Variants in RARB observed in about 807,000 individuals in gnomAD.
RARB encodes the protein retinoic acid receptor beta.
A neutral mutation model predicts 51.9 loss-of-function variants in RARB; 17 were observed. The ratio of observed to expected loss-of-function variants is 0.33; its 90% CI spans 0.22 to 0.49. The LOEUF is 0.49. RARB is among the 20% of genes least tolerant of loss of function. RARB has a pLI of 0.99. For synonymous variants in RARB, 215 were observed against 195.4 expected (o/e 1.10, Z -0.84); for missense variants, 369 against 550.8 (o/e 0.67, Z 3.30).
chr3:24,983,853 A>G (rs1575105518), intron 2 of RARB, among the ~76,000 whole-genome samples: 1 of 152,268 alleles, frequency 6.6e-6, no homozygotes, highest in East Asian at 1.9e-4. Flanking sequence ...TTAATATAAG[A>G]TACTAAAAAC....
intron 2 of RARB, among the ~76,000 whole-genome samples, chr3:25,005,386 A>T (rs552241426): frequency 6.6e-6 from 1 of 152,284 alleles, no homozygotes; most frequent in South Asian, 2.1e-4. Flanking sequence ...AGTCACAGAC[A>T]AGCTGTCAGC....
chr3:25,117,212 A>C (rs1699702933), intron 3 of RARB, among the ~76,000 whole-genome samples: 1 of 152,188 alleles, frequency 6.6e-6, no homozygotes, highest in African/African-American at 2.4e-5. Context: ...ATAAGTAACT[A>C]AAATCAAATA....
At chr3:25,350,377 A>G (rs1705526376) in intron 5 of RARB, among the ~76,000 whole-genome samples, 1 of 152,160 alleles carries the variant, frequency 6.6e-6, no homozygotes, top group African/African-American at 2.4e-5. Flanking sequence ...TAATCTCAGG[A>G]TGAACAATAG....
intron 2 of RARB, among the ~76,000 whole-genome samples, chr3:24,920,217 G>A (rs1276431430): frequency 6.6e-6 from 1 of 152,124 alleles, no homozygotes; most frequent in African/African-American, 2.4e-5. Flanking sequence ...ATAATGTGTT[G>A]AAGTCCTTAA....
intron 5 of RARB, among the ~76,000 whole-genome samples, chr3:25,240,538 T>C (rs1365091796): frequency 6.6e-6 from 1 of 152,192 alleles, no homozygotes; most frequent in African/African-American, 2.4e-5. Context: ...TTTTTTATCA[T>C]GAAGCAATGT....
chr3:25,528,597 A>G (rs952491585), intron 3 of RARB, among the ~76,000 whole-genome samples: 1 of 152,012 alleles, frequency 6.6e-6, no homozygotes, highest in African/African-American at 2.4e-5. Context: ...AGTCCAGTGG[A>G]TAGGATCCAA....
chr3:25,024,946 T>C (rs1242626029), intron 2 of RARB: 1 of 104,622 alleles, frequency 9.6e-6, no homozygotes, highest in Non-Finnish European at 1.9e-5. Context: ...AGAGTGAGAC[T>C]CCGTCTCAAA....
At chr3:25,269,211 C>G (rs1703194950) in intron 5 of RARB, among the ~76,000 whole-genome samples, 2 of 152,224 alleles carry the variant, frequency 1.3e-5, no homozygotes, top group African/African-American at 4.8e-5. Flanking sequence ...ATTGCTGGCT[C>G]ATTTTAGAAG....
At chr3:25,134,945 T>C (rs530916398) in intron 4 of RARB, among the ~76,000 whole-genome samples, 1 of 152,120 alleles carries the variant, frequency 6.6e-6, no homozygotes, top group African/African-American at 2.4e-5. Context: ...GTTACTAATA[T>C]ATGAAGATTA....
chr3:25,486,489 A>G lies in RARB; in HGVS notation c.307-14693A>G, dbSNP rs542338805. Among the ~76,000 whole-genome samples, 34 of 152,304 alleles carry G rather than the reference A, an allele frequency of 2.2e-4. No homozygotes were observed. In the South Asian group the frequency reaches 6.0e-3, roughly 27 times the overall value. On this transcript the variant is annotated intron_variant, in intron 2 of 7. Coordinates refer to ENST00000330688, the MANE Select transcript of RARB (RefSeq NM_000965.5). ...GGCCAACGAAGTCACTCTCCCATGC[A>G]ACCTTCCACCCATCCATGTGAGCAA...
chr3:25,246,443 C>G (rs1023613686), intron 5 of RARB, among the ~76,000 whole-genome samples: 4 of 152,062 alleles, frequency 2.6e-5, no homozygotes, highest in Non-Finnish European at 4.4e-5. Flanking sequence ...CTTGTTTTTC[C>G]TCACCTTCTT....
chr3:25,202,796 GAGAC>G (rs1701429999), intron 5 of RARB, among the ~76,000 whole-genome samples: 1 of 152,214 alleles, frequency 6.6e-6, no homozygotes, highest in Non-Finnish European at 1.5e-5. Context: ...TGTGGTCTGA[GAGAC>G]AGTCTGTTAT....
intron 2 of RARB, among the ~76,000 whole-genome samples, chr3:24,907,727 C>A (rs904521676): frequency 9.2e-5 from 14 of 151,940 alleles, no homozygotes; most frequent in African/African-American, 3.1e-4. Context: ...ATAAATCTTA[C>A]TTGAAAAAAA....
intron 1 of RARB, among the ~76,000 whole-genome samples, chr3:25,454,346 C>A (rs1694780625): frequency 6.6e-6 from 1 of 152,202 alleles, no homozygotes; most frequent in South Asian, 2.1e-4. Context: ...CTCTTTGGTG[C>A]CAACACAAAT....
chr3:24,892,347 G>A (rs1703400345), intron 2 of RARB, among the ~76,000 whole-genome samples: 1 of 152,068 alleles, frequency 6.6e-6, no homozygotes, highest in Admixed American at 6.5e-5. Context: ...ATAATCCAAG[G>A]AAGCTGAATC....
At chr3:25,205,850 C>T (rs1701526958) in intron 5 of RARB, among the ~76,000 whole-genome samples, 1 of 152,010 alleles carries the variant, frequency 6.6e-6, no homozygotes, top group African/African-American at 2.4e-5. Context: ...TCAAATGATC[C>T]TCCCACCTCA....
At chr3:25,368,665 G>C (rs932521109) in intron 5 of RARB, among the ~76,000 whole-genome samples, 1 of 152,150 alleles carries the variant, frequency 6.6e-6, no homozygotes, top group African/African-American at 2.4e-5. Context: ...CACAGTTCTA[G>C]CCTTGATAGA....
chr3:25,553,497 G>C (rs76906394), intron 3 of RARB, among the ~76,000 whole-genome samples: 6,263 of 152,228 alleles, frequency 0.041, 163 homozygotes, highest in Non-Finnish European at 0.062. Flanking sequence ...GAAAGTCTTT[G>C]GATGCTTATA....
At chr3:25,396,785 T>C (rs1707127008) in intron 5 of RARB, among the ~76,000 whole-genome samples, 1 of 152,112 alleles carries the variant, frequency 6.6e-6, no homozygotes, top group Non-Finnish European at 1.5e-5. Flanking sequence ...TTGCCTCTGC[T>C]GTGTCATACA....
Sources: allele counts gnomAD v4.1 joint callset (sites outside exome capture counted in the v4.1 genomes callset), GRCh38; gene constraint gnomAD v4.1.1; transcripts MANE v1.5; gene names NCBI Gene and HGNC (gene_info 2026-07-23, HGNC 2026-07-21).